The following ZMYND8 variants were observed in gnomAD, a reference collection of about 807,000 sequenced individuals.
ZMYND8 encodes the protein zinc finger MYND-type containing 8.
In ZMYND8, 37 loss-of-function variants were observed where a neutral mutation model predicts 140.8. The observed-to-expected ratio is 0.26, with a 90% CI of 0.20 to 0.35. The LOEUF is 0.35. ZMYND8 is among the 10% of genes least tolerant of loss of function. The pLI is 1.00. For missense variants in ZMYND8, 1,068 were observed against 1,570.0 expected, an observed-to-expected ratio of 0.68 and a Z score of 5.40; for synonymous variants, 592 against 597.1, an observed-to-expected ratio of 0.99 and a Z score of 0.12.
At chr20:47,239,220 T>C (rs1366516843) in intron 14 of ZMYND8, 82 bp from the exon 15 acceptor site, 3 of 1,436,222 alleles carry the variant, frequency 2.1e-6, no homozygotes, top group African/African-American at 1.4e-5. Flanking sequence ...CACCAAGTTC[T>C]GGGTAAAACC....
At chr20:47,355,594 C>G in intron 1 of ZMYND8, 1 of 680,624 alleles carries the variant, frequency 1.5e-6, no homozygotes, top group South Asian at 6.6e-5. Flanking sequence ...AACAACACAA[C>G]CCAACAACTG....
intron 3 of ZMYND8, among the ~76,000 whole-genome samples, chr20:47,300,112 A>C (rs2077915612): frequency 6.6e-6 from 1 of 152,202 alleles, no homozygotes; most frequent in Non-Finnish European, 1.5e-5. Flanking sequence ...GAATCCAGCA[A>C]AGCCACACTT....
chr20:47,221,433 C>G lies in ZMYND8; in HGVS notation c.3298G>C (p.Glu1100Gln). 6.2e-7 allele frequency: 1 copy of G among 1,614,140 alleles called. No individual in the cohort carries two copies. Among genetic ancestry groups the G allele is most frequent in the Non-Finnish European group, 8.5e-7 (1 of 1,180,022 alleles). ...CCCTGGGAGGACTTATTTAGTGTTTCTGTGTTCACCTCAGCATCCGCTTCC... is the reference window on the plus strand; with the variant it reads ...CCCTGGGAGGACTTATTTAGTGTTTGTGTGTTCACCTCAGCATCCGCTTCC... ...QQEADAEVNT[E>Q]TLNKSSQGSS... The change falls in exon 20 of 23, where the codon GAA (glutamate) becomes CAA (glutamine). Residue 1100 changes from glutamate to glutamine, a missense_variant. Physicochemically the swap from Glu to Gln is conservative, Grantham distance 29. Coordinates refer to ENST00000471951, the MANE Select transcript of ZMYND8 (RefSeq NM_001281775.3).
intron 3 of ZMYND8, among the ~76,000 whole-genome samples, chr20:47,308,511 G>A (rs112714628): frequency 3.9e-5 from 6 of 152,162 alleles, no homozygotes; most frequent in African/African-American, 1.2e-4. Context: ...ATGAGCCACC[G>A]CGCCTGGCCA....
chr20:47,237,157 T>A (rs2039345401), intron 15 of ZMYND8, among the ~76,000 whole-genome samples: 1 of 145,172 alleles, frequency 6.9e-6, no homozygotes, highest in Non-Finnish European at 1.5e-5. Context: ...GCTCTTTTTT[T>A]TTTTTTTGAC....
chr20:47,213,369 GATCAAGAGAAA>G (rs1213341636), intron 21 of ZMYND8, among the ~76,000 whole-genome samples: 1 of 152,116 alleles, frequency 6.6e-6, no homozygotes, highest in Non-Finnish European at 1.5e-5. Context: ...TTGAAAGTAA[GATCAAGAGAAA>G]AAATAGAAAC....
At chr20:47,245,155 C>T (rs1034037958) in intron 14 of ZMYND8, among the ~76,000 whole-genome samples, 1 of 152,198 alleles carries the variant, frequency 6.6e-6, no homozygotes, top group Non-Finnish European at 1.5e-5. Context: ...CACCCAAATA[C>T]TGTCCTACTA....
At chr20:47,350,337 A>C (rs568647662) in intron 1 of ZMYND8, among the ~76,000 whole-genome samples, 14 of 151,276 alleles carry the variant, frequency 9.3e-5, no homozygotes, top group South Asian at 8.3e-4. Context: ...AGAAAAAAAA[A>C]AAAAAAAAAA....
At chr20:47,262,563 G>A (rs2147565413) in intron 11 of ZMYND8, 135 bp from the exon 12 acceptor site, 2 of 1,220,394 alleles carry the variant, frequency 1.6e-6, no homozygotes, top group Non-Finnish European at 2.3e-6. Flanking sequence ...TATCACGAAT[G>A]GGGTGGGGTG....
At chr20:47,227,336 G>A (rs11906404) in intron 17 of ZMYND8, 55 bp from the exon 18 acceptor site, 2 of 1,564,152 alleles carry the variant, frequency 1.3e-6, no homozygotes, top group Non-Finnish European at 1.8e-6. Flanking sequence ...TTCACCAGGA[G>A]GGCTCAGAAG....
intron 13 of ZMYND8, among the ~76,000 whole-genome samples, chr20:47,247,310 C>CG (rs1210272973): frequency 6.6e-6 from 1 of 152,200 alleles, no homozygotes; most frequent in African/African-American, 2.4e-5. Flanking sequence ...CTCCTCTAGG[C>CG]GGGGGACACA....
intron 12 of ZMYND8, among the ~76,000 whole-genome samples, chr20:47,253,917 T>C (rs1172532150): frequency 6.6e-6 from 1 of 152,264 alleles, no homozygotes; most frequent in African/African-American, 2.4e-5. Context: ...GCTGCTGTTA[T>C]GTTTATTCTT....
intron 17 of ZMYND8, among the ~76,000 whole-genome samples, chr20:47,228,988 A>G (rs1000063894): frequency 2.0e-5 from 3 of 149,894 alleles, no homozygotes; most frequent in Non-Finnish European, 4.5e-5. Context: ...ATAAGTAGAT[A>G]GCTTAATTTT....
At chr20:47,264,548 A>AT (rs1194461534) in intron 11 of ZMYND8, among the ~76,000 whole-genome samples, 1 of 152,106 alleles carries the variant, frequency 6.6e-6, no homozygotes, top group East Asian at 1.9e-4. Flanking sequence ...AAGTGCTGGG[A>AT]TTACAGCCAT....
chr20:47,229,741 T>C lies in ZMYND8; in HGVS notation c.2922A>G (p.Gly974=). The stretch of plus-strand genomic sequence containing the variant: ...CATCTCTGACCTCAGCTATTGTGCT[T>C]CCAGTAGTGTTTTTAGAAAGATCGT... The part of the protein sequence containing the change: ...IYNDLSKNTT[G]STIAEIRRLR... The change falls in exon 17 of 23, where the codon GGA becomes GGG. Residue 974 remains glycine (G), a synonymous_variant. Transcript: ENST00000471951. 6.2e-7 allele frequency: 1 copy of C among 1,613,616 alleles called. No individual in the cohort carries two copies.
chr20:47,261,106 A>T (rs2147538039), intron 12 of ZMYND8, among the ~76,000 whole-genome samples: 1 of 152,262 alleles, frequency 6.6e-6, no homozygotes. Flanking sequence ...CTGTAATCCC[A>T]GCTACTCGGA....
At chr20:47,257,585 CACAT>C (rs1250772194) in intron 12 of ZMYND8, among the ~76,000 whole-genome samples, 1 of 151,962 alleles carries the variant, frequency 6.6e-6, no homozygotes, top group African/African-American at 2.4e-5. Context: ...ATACCATACA[CACAT>C]ACATATACTC....
intron 12 of ZMYND8, among the ~76,000 whole-genome samples, chr20:47,261,193 C>A (rs1298508001): frequency 6.6e-6 from 1 of 152,064 alleles, no homozygotes. Flanking sequence ...TGCATTGCAG[C>A]CTGGGCAACA....
intron 11 of ZMYND8, among the ~76,000 whole-genome samples, chr20:47,267,491 CGGGGCGGGGGGG>C: frequency 1.3e-5 from 1 of 78,124 alleles, no homozygotes; most frequent in East Asian, 3.6e-4. Flanking sequence ...GGTTCAGGGC[CGGGGCGGGGGGG>C]GGGCAATTAA....
Sources: gnomAD v4.1 joint callset for allele counts (sites outside exome capture counted in the v4.1 genomes callset) on GRCh38, gnomAD v4.1.1 for gene constraint, MANE v1.5 for transcripts, NCBI Gene and HGNC (gene_info 2026-07-23, HGNC 2026-07-21) for gene names.